The following MSH3 variants were observed in gnomAD, a reference collection of about 807,000 sequenced individuals.
MSH3 encodes DNA mismatch repair protein Msh3.
A neutral mutation model predicts 123.3 loss-of-function variants in MSH3; 106 were observed. That is an observed-to-expected ratio of 0.86 (90% CI 0.73 to 1.01). MSH3 has a LOEUF of 1.01. Ranked by LOEUF, MSH3 falls within the 50% of genes least tolerant of loss-of-function variation. The pLI, the probability that MSH3 is intolerant of heterozygous loss-of-function variation, is 0.00. For synonymous variants in MSH3, 515 were observed against 481.4 expected, an observed-to-expected ratio of 1.07 and a Z score of -0.91; for missense variants, 1,459 against 1,347.6, an observed-to-expected ratio of 1.08 and a Z score of -1.29.
intron 23 of MSH3, among the ~76,000 whole-genome samples, chr5:80,874,701 C>T (rs1470137545): frequency 6.6e-6 from 1 of 151,920 alleles, no homozygotes; most frequent in Non-Finnish European, 1.5e-5. Flanking sequence ...GAAATATATG[C>T]AAGATAGCAA....
At position 80,747,872 on chromosome 5, in the gene MSH3, G is replaced by T. The variant is rs1383258799; in HGVS notation, c.1763+3257G>T. Reference sequence around the variant, plus strand: ...AGTGGGCTGTACTATCTAATTTTATGTAACTATATGCTCTGTAATGTCCAC... The same window carrying T: ...AGTGGGCTGTACTATCTAATTTTATTTAACTATATGCTCTGTAATGTCCAC... On this transcript the variant is annotated intron_variant, in intron 12 of 23. Transcript: ENST00000265081. Among the ~76,000 whole-genome samples the T allele has an allele frequency of 2.0e-5, 3 of 152,254 alleles. No individual in the cohort carries two copies. The East Asian group carries it at 5.8e-4, about 29-fold the overall frequency.
chr5:80,808,115 T>C (rs1436249575), intron 19 of MSH3, among the ~76,000 whole-genome samples: 1 of 152,196 alleles, frequency 6.6e-6, no homozygotes, highest in Non-Finnish European at 1.5e-5. Flanking sequence ...ATAGGTCATA[T>C]CTTTTTTACA....
At chr5:80,790,915 C>G (rs867713019) in intron 18 of MSH3, among the ~76,000 whole-genome samples, 1 of 152,130 alleles carries the variant, frequency 6.6e-6, no homozygotes, top group Admixed American at 6.6e-5. Context: ...ATCTGAGATT[C>G]TGAATGCTCA....
intron 20 of MSH3, among the ~76,000 whole-genome samples, chr5:80,817,269 T>C (rs1745121064): frequency 6.6e-6 from 1 of 152,002 alleles, no homozygotes. Flanking sequence ...GTCAGGTGAG[T>C]TGAAGCCTGA....
At chr5:80,676,747 A>G (rs535653178) in intron 7 of MSH3, among the ~76,000 whole-genome samples, 2 of 152,324 alleles carry the variant, frequency 1.3e-5, no homozygotes, top group East Asian at 1.9e-4. Context: ...ATTTGGACCT[A>G]TATACAAATA....
At chr5:80,674,514 G>A (rs978016222) in intron 6 of MSH3, among the ~76,000 whole-genome samples, 6 of 152,206 alleles carry the variant, frequency 3.9e-5, no homozygotes, top group Non-Finnish European at 8.8e-5. Flanking sequence ...TCATCCAAGT[G>A]ATGAAGTGGG....
intron 20 of MSH3, among the ~76,000 whole-genome samples, chr5:80,846,785 G>A (rs1185782029): frequency 6.6e-6 from 1 of 152,204 alleles, no homozygotes; most frequent in East Asian, 1.9e-4. Flanking sequence ...GCAGTATTTG[G>A]TCAGGAGTGT....
At chr5:80,746,320 A>T (rs1363812087) in intron 12 of MSH3, 1 of 344,514 alleles carries the variant, frequency 2.9e-6, no homozygotes, top group Non-Finnish European at 5.7e-6. Flanking sequence ...TTACAGTGTG[A>T]CGGCGTCAAG....
chr5:80,702,548 T>C (rs1750634353), intron 8 of MSH3, among the ~76,000 whole-genome samples: 1 of 152,154 alleles, frequency 6.6e-6, no homozygotes, highest in African/African-American at 2.4e-5. Flanking sequence ...ATTAACTGCA[T>C]GTGGTTAGTA....
intron 2 of MSH3, among the ~76,000 whole-genome samples, chr5:80,657,655 A>G (rs1749322237): frequency 6.6e-6 from 1 of 152,124 alleles, no homozygotes; most frequent in Admixed American, 6.5e-5. Flanking sequence ...GAATGAGAAA[A>G]AAAAAAAGTT....
At chr5:80,795,857 A>T (rs1489868605) in intron 19 of MSH3, among the ~76,000 whole-genome samples, 2 of 152,106 alleles carry the variant, frequency 1.3e-5, no homozygotes, top group African/African-American at 4.8e-5. Context: ...TACTAAACAT[A>T]AAAATTAGCT....
At chr5:80,845,226 GC>G (rs1745699811) in intron 20 of MSH3, among the ~76,000 whole-genome samples, 1 of 152,090 alleles carries the variant, frequency 6.6e-6, no homozygotes, top group South Asian at 2.1e-4. Flanking sequence ...TTGAATATTG[GC>G]CCCCACTCTC....
chr5:80,860,111 C>CAT (rs3991215), intron 21 of MSH3, among the ~76,000 whole-genome samples: 9 of 151,190 alleles, frequency 6.0e-5, no homozygotes, highest in Non-Finnish European at 1.3e-4. Flanking sequence ...TGTACATAAG[C>CAT]ATATATATAT....
intron 10 of MSH3, among the ~76,000 whole-genome samples, chr5:80,729,429 A>ATGTGTGTGTGTGTGTGT (rs1561458052): frequency 3.2e-4 from 20 of 62,766 alleles, no homozygotes; most frequent in African/African-American, 1.3e-3. Flanking sequence ...AAAAAAAAAA[A>ATGTGTGTGTGTGTGTGT]ATGTGTGTGT....
intron 8 of MSH3, among the ~76,000 whole-genome samples, chr5:80,695,568 A>T (rs560429081): frequency 3.2e-4 from 48 of 152,232 alleles, no homozygotes; most frequent in African/African-American, 1.1e-3. Flanking sequence ...TCCTGACCTC[A>T]GGAGATCCAC....
chr5:80,706,183 G>A (rs1039080511), intron 8 of MSH3, among the ~76,000 whole-genome samples: 1 of 152,122 alleles, frequency 6.6e-6, no homozygotes, highest in African/African-American at 2.4e-5. Context: ...TCCTTCTTGG[G>A]AAAATAAGAG....
In MSH3 at chr5:80,710,458, A is replaced by C. The variant is rs182248185; in HGVS notation, c.1341-14995A>C. Among the ~76,000 whole-genome samples, 368 of 152,320 alleles carry C rather than the reference A, an allele frequency of 2.4e-3. 6 individuals carry two copies. Among genetic ancestry groups the C allele is most frequent in the East Asian group, 2.9e-3 (15 of 5,190 alleles). ...GAAATTTCTTTCCCTTATAATGCAT[A>C]TTACAGTCTGAATTTCTCTCTGGTG... On this transcript the variant is annotated intron_variant, in intron 8 of 23. Coordinates refer to ENST00000265081, the MANE Select transcript of MSH3 (RefSeq NM_002439.5).
chr5:80,665,651 T>C lies in MSH3; in HGVS notation c.579+288T>C, dbSNP rs6151616. On this transcript the variant is annotated intron_variant, in intron 3 of 23. Coordinates refer to ENST00000265081, the MANE Select transcript of MSH3 (RefSeq NM_002439.5). ...GCCCTTGACTTGGAGGGATTCTTTA[T>C]TGAGAATTAATACAAGCACAGTTTC... 0.12 allele frequency among the ~76,000 whole-genome samples: 18,564 copies of C among 152,248 alleles called. 1,296 individuals are homozygous for C. The highest frequency in any genetic ancestry group is 0.2 in the Middle Eastern group (58 of 294).
chr5:80,682,404 GT>G (rs538343167), intron 8 of MSH3, among the ~76,000 whole-genome samples: 11 of 147,324 alleles, frequency 7.5e-5, no homozygotes, highest in South Asian at 4.3e-4. Flanking sequence ...GTAAGAGGAA[GT>G]TTTTTTTTTT....
Sources: gnomAD v4.1 joint callset for allele counts (sites outside exome capture counted in the v4.1 genomes callset) on GRCh38, gnomAD v4.1.1 for gene constraint, MANE v1.5 for transcripts, NCBI Gene and HGNC (gene_info 2026-07-23, HGNC 2026-07-21) for gene names.